Variants in ARHGAP24 observed in about 807,000 individuals in gnomAD.
ARHGAP24 encodes rho GTPase-activating protein 24.
In ARHGAP24, 50 loss-of-function variants were observed where a neutral mutation model predicts 76.4. That is an observed-to-expected ratio of 0.65 (90% CI 0.52 to 0.83). The LOEUF (loss-of-function observed/expected upper bound fraction) is 0.83, where lower values mean the gene tolerates loss of function less well. Ranked by LOEUF, ARHGAP24 falls within the 40% of genes least tolerant of loss-of-function variation. The probability of loss-of-function intolerance (pLI) is 0.00; values close to 1 mark genes in which losing one functional copy is unlikely to be tolerated. For missense variants in ARHGAP24, 930 were observed against 914.2 expected (o/e 1.02, Z -0.22); for synonymous variants, 345 against 323.3 (o/e 1.07, Z -0.72).
At chr4:85,702,277 C>T (rs934596720) in intron 2 of ARHGAP24, among the ~76,000 whole-genome samples, 2 of 152,008 alleles carry the variant, frequency 1.3e-5, no homozygotes, top group Admixed American at 6.6e-5. Context: ...AATACAGAAG[C>T]CAAACAAGTT....
intron 5 of ARHGAP24, among the ~76,000 whole-genome samples, chr4:85,959,438 G>A (rs986520289): frequency 4.1e-4 from 62 of 152,296 alleles, no homozygotes; most frequent in African/African-American, 1.5e-3. Context: ...ATGCAGTCCA[G>A]TAACTTGCAG....
At chr4:85,480,321 G>GT (rs538026267) in intron 1 of ARHGAP24, among the ~76,000 whole-genome samples, 10 of 152,024 alleles carry the variant, frequency 6.6e-5, no homozygotes, top group Admixed American at 6.6e-4. Flanking sequence ...TAACTAGTGG[G>GT]TTTTTTTGGT....
intron 3 of ARHGAP24, among the ~76,000 whole-genome samples, chr4:85,762,138 T>C (rs887723604): frequency 6.6e-6 from 1 of 152,212 alleles, no homozygotes; most frequent in African/African-American, 2.4e-5. Flanking sequence ...AAGTGTCATG[T>C]GGTTATGGGT....
At chr4:85,871,754 T>G (rs999949880) in intron 3 of ARHGAP24, among the ~76,000 whole-genome samples, 3 of 152,172 alleles carry the variant, frequency 2.0e-5, no homozygotes, top group Non-Finnish European at 4.4e-5. Context: ...CCTTGAAGCT[T>G]AAGCTCCATT....
chr4:85,745,289 C>T (rs921403643), intron 3 of ARHGAP24, among the ~76,000 whole-genome samples: 1 of 143,634 alleles, frequency 7.0e-6, no homozygotes, highest in Non-Finnish European at 1.5e-5. Flanking sequence ...TAATATATAC[C>T]GTAGTATATA....
chr4:85,760,855 C>G (rs991365082), intron 3 of ARHGAP24, among the ~76,000 whole-genome samples: 1 of 152,182 alleles, frequency 6.6e-6, no homozygotes, highest in African/African-American at 2.4e-5. Flanking sequence ...CCAACTGTGT[C>G]TCATGTATGT....
chr4:85,895,203 A>C (rs533315938), intron 3 of ARHGAP24, among the ~76,000 whole-genome samples: 1 of 152,190 alleles, frequency 6.6e-6, no homozygotes, highest in African/African-American at 2.4e-5. Context: ...AAAAACTATT[A>C]AAATAAAAGT....
intron 4 of ARHGAP24, among the ~76,000 whole-genome samples, chr4:85,933,896 C>T (rs1316702813): frequency 6.6e-6 from 1 of 152,128 alleles, no homozygotes; most frequent in African/African-American, 2.4e-5. Context: ...ATCATCAGGT[C>T]CTCAGTGGCT....
intron 3 of ARHGAP24, among the ~76,000 whole-genome samples, chr4:85,903,149 T>TA (rs1414680836): frequency 1.3e-5 from 2 of 152,242 alleles, no homozygotes; most frequent in African/African-American, 4.8e-5. Flanking sequence ...AGTTTTTTCT[T>TA]AAATGAGAAA....
At position 85,820,416 on chromosome 4, in the gene ARHGAP24, T is replaced by C. The variant is rs574290558; in HGVS notation, c.268+98444T>C. On this transcript the variant is annotated intron_variant, in intron 3 of 9. Coordinates refer to ENST00000395184, the MANE Select transcript of ARHGAP24 (RefSeq NM_001025616.3). ...ACCAAATACCACATGCTCTCACTTA[T>C]AAGTGAGAGCTAAACACTGAGTACA... 4.2e-4 allele frequency among the ~76,000 whole-genome samples: 64 copies of C among 152,030 alleles called. 1 individual carries two copies. The highest frequency in any genetic ancestry group is 1.2e-3 in the Admixed American group (19 of 15,266).
chr4:85,677,198 TTC>T (rs1723015064), intron 2 of ARHGAP24, among the ~76,000 whole-genome samples: 1 of 152,250 alleles, frequency 6.6e-6, no homozygotes, highest in African/African-American at 2.4e-5. Context: ...TGCTTTGCTC[TTC>T]TCTCTTTATC....
chr4:85,627,394 G>A (rs1303712161), intron 2 of ARHGAP24, among the ~76,000 whole-genome samples: 3 of 152,042 alleles, frequency 2.0e-5, no homozygotes, highest in Non-Finnish European at 2.9e-5. Context: ...ATTGTATATT[G>A]GTGAACCTCA....
intron 1 of ARHGAP24, among the ~76,000 whole-genome samples, chr4:85,482,148 C>A (rs1465454933): frequency 1.3e-5 from 2 of 152,186 alleles, no homozygotes; most frequent in African/African-American, 4.8e-5. Flanking sequence ...TATCTTCTTG[C>A]AACCTAACTG....
At chr4:85,966,931 GA>G (rs1358375946) in intron 5 of ARHGAP24, among the ~76,000 whole-genome samples, 2 of 152,112 alleles carry the variant, frequency 1.3e-5, no homozygotes, top group African/African-American at 4.8e-5. Context: ...TATTCAGAGT[GA>G]AAAATTCCCA....
intron 3 of ARHGAP24, among the ~76,000 whole-genome samples, chr4:85,795,681 C>A (rs1728313320): frequency 6.6e-6 from 1 of 151,856 alleles, no homozygotes; most frequent in African/African-American, 2.4e-5. Flanking sequence ...CATGACCACA[C>A]AATTTATGTC....
chr4:85,476,281 T>C (rs1292888510), intron 1 of ARHGAP24, among the ~76,000 whole-genome samples: 1 of 152,082 alleles, frequency 6.6e-6, no homozygotes, highest in Admixed American at 6.5e-5. Flanking sequence ...GAGACAATGT[T>C]ACTCTGAATT....
At chr4:85,626,744 G>A (rs914920110) in intron 2 of ARHGAP24, among the ~76,000 whole-genome samples, 11 of 152,050 alleles carry the variant, frequency 7.2e-5, no homozygotes, top group Non-Finnish European at 1.6e-4. Flanking sequence ...TTTTCACATA[G>A]TCCCATATTT....
At chr4:85,793,265 A>G (rs987365352) in intron 3 of ARHGAP24, among the ~76,000 whole-genome samples, 1 of 152,310 alleles carries the variant, frequency 6.6e-6, no homozygotes, top group Middle Eastern at 3.4e-3. Flanking sequence ...AACTCCAGTG[A>G]TAATTCAAAC....
intron 2 of ARHGAP24, among the ~76,000 whole-genome samples, chr4:85,718,719 TTA>T (rs1724821309): frequency 6.6e-6 from 1 of 152,164 alleles, no homozygotes; most frequent in Non-Finnish European, 1.5e-5. Context: ...ACTACTATTT[TTA>T]TGTTACAATT....
Sources: allele counts gnomAD v4.1 joint callset (sites outside exome capture counted in the v4.1 genomes callset), GRCh38; gene constraint gnomAD v4.1.1; transcripts MANE v1.5; gene names NCBI Gene and HGNC (gene_info 2026-07-23, HGNC 2026-07-21).